CDH4: variants seen among roughly 807,000 people sequenced by gnomAD.
CDH4 encodes the protein cadherin-4.
Under a neutral mutation model 86.0 loss-of-function variants are expected in CDH4, and 33 were observed. That is an observed-to-expected ratio of 0.38 (90% CI 0.29 to 0.51). The LOEUF is 0.51. Ranked by LOEUF, CDH4 falls within the 20% of genes least tolerant of loss-of-function variation. CDH4 has a pLI of 0.86. For missense variants in CDH4, 1,114 were observed against 1,307.4 expected (o/e 0.85, Z 2.28); for synonymous variants, 555 against 549.4 (o/e 1.01, Z -0.14).
chr20:61,477,304 C>T (rs1011370247), intron 2 of CDH4, among the ~76,000 whole-genome samples: 87 of 151,646 alleles, frequency 5.7e-4, no homozygotes, highest in African/African-American at 1.4e-3. Context: ...GATTTCATTA[C>T]GATGGTGGAG....
rs530544816 is a variant in CDH4, at chr20:61,411,213, C to T, written c.169+156276C>T. Among the ~76,000 whole-genome samples, 14 of 151,786 alleles carry T rather than the reference C, an allele frequency of 9.2e-5. 1 individual carries two copies. The South Asian group carries it at 2.9e-3, about 32-fold the overall frequency. On this transcript the variant is annotated intron_variant, in intron 2 of 15. Coordinates refer to ENST00000614565, the MANE Select transcript of CDH4 (RefSeq NM_001794.5). ...ACAAGGCTAATGAGGTGCCTGCTTT[C>T]ACGGGTCTAATGTTCTTACTGTTCA...
rs1204289781 is a variant in CDH4, at chr20:61,684,913, G to C, written c.170-58650G>C. ...CGTTATTAAGATATAAAAACTTACC[G>C]TGAAATTCCCCTGTTTAAAGTGTAC... is the stretch of plus-strand genomic sequence containing the variant. On this transcript the variant is annotated intron_variant, in intron 2 of 15. Transcript: ENST00000614565. The surrounding 1 kb of genome is among the most constrained non-coding windows in gnomAD (Gnocchi z 4.5). Among the ~76,000 whole-genome samples the C allele has an allele frequency of 1.3e-5, 2 of 151,340 alleles. No homozygotes were observed. The highest frequency in any genetic ancestry group is 4.9e-5 in the African/African-American group (2 of 40,848).
chr20:61,578,021 C>G (rs1002963547), intron 2 of CDH4, among the ~76,000 whole-genome samples: 6 of 152,168 alleles, frequency 3.9e-5, no homozygotes, highest in African/African-American at 1.4e-4. Context: ...GACTGCCAAG[C>G]TTGCCTGCCC....
chr20:61,499,962 G>A (rs796416179), intron 2 of CDH4, among the ~76,000 whole-genome samples: 6 of 152,292 alleles, frequency 3.9e-5, no homozygotes, highest in African/African-American at 1.4e-4. Flanking sequence ...CAGGAGGCAC[G>A]GGCGCAGCTT....
At chr20:61,657,930 C>T (rs1301879223) in intron 2 of CDH4, among the ~76,000 whole-genome samples, 2 of 152,170 alleles carry the variant, frequency 1.3e-5, no homozygotes, top group African/African-American at 4.8e-5. Context: ...AGAGGCTCGT[C>T]ACCGGTGGGA....
At chr20:61,915,764 G>C (rs549750972) in intron 9 of CDH4, among the ~76,000 whole-genome samples, 1 of 152,204 alleles carries the variant, frequency 6.6e-6, no homozygotes, top group African/African-American at 2.4e-5. Flanking sequence ...CAAAGGCACA[G>C]CATGAGAGAA....
chr20:61,395,392 CAT>C (rs1440109888), intron 2 of CDH4, among the ~76,000 whole-genome samples: 9 of 152,168 alleles, frequency 5.9e-5, no homozygotes, highest in Admixed American at 4.6e-4. Context: ...TCATATATGA[CAT>C]ATATACATGC....
chr20:61,710,938 G>A (rs1013320333), intron 2 of CDH4, among the ~76,000 whole-genome samples: 1 of 152,180 alleles, frequency 6.6e-6, no homozygotes, highest in East Asian at 1.9e-4. Context: ...TGAGCTCAGT[G>A]GCCTGAACAT....
rs1489228658 is a variant in CDH4, at chr20:61,681,172, C to CA, written c.170-62390dup. Among the ~76,000 whole-genome samples the CA allele has an allele frequency of 6.6e-6, 1 of 152,230 alleles. No homozygotes were observed. Among genetic ancestry groups the CA allele is most frequent in the Non-Finnish European group, 1.5e-5 (1 of 68,038 alleles). On this transcript the variant is annotated intron_variant, in intron 2 of 15. Transcript: ENST00000614565. The surrounding 1 kb of genome is among the most constrained non-coding windows in gnomAD (Gnocchi z 4.5). The stretch of plus-strand genomic sequence containing the variant: ...TCTGCAAGGGTAAAACACCCGCCCT[C>CA]ACGTCCTAATGGCTTTTTTTCTCTT...
At chr20:61,636,245 C>A (rs185211964) in intron 2 of CDH4, among the ~76,000 whole-genome samples, 202 of 152,204 alleles carry the variant, frequency 1.3e-3, no homozygotes, top group Middle Eastern at 3.4e-3. Flanking sequence ...GACCATGAAT[C>A]GCATAAGAAA....
In CDH4 at chr20:61,923,790, A is replaced by T. The variant is rs781279549; in HGVS notation, c.1628+86A>T. The stretch of plus-strand genomic sequence containing the variant: ...TCCAGAAATACCCCATGAAACCCAC[A>T]GCCCAGAATTCCCCCAGATGGGTGG... On this transcript the variant is annotated intron_variant, in intron 10 of 15. Coordinates refer to ENST00000614565, the MANE Select transcript of CDH4 (RefSeq NM_001794.5). The T allele has an allele frequency of 2.7e-6, 4 of 1,505,316 alleles. No individual in the cohort carries two copies. The Admixed American group carries it at 7.5e-5, about 28-fold the overall frequency. 93.2% of individuals were successfully genotyped at this position (1,505,316 alleles called of 1,614,324 possible).
intron 2 of CDH4, among the ~76,000 whole-genome samples, chr20:61,405,483 T>C (rs187969606): frequency 6.6e-6 from 1 of 152,130 alleles, no homozygotes; most frequent in Admixed American, 6.6e-5. Context: ...GTCAGTGTGG[T>C]ACAACGACGC....
At chr20:61,336,695 T>A (rs1044497616) in intron 2 of CDH4, among the ~76,000 whole-genome samples, 1 of 152,160 alleles carries the variant, frequency 6.6e-6, no homozygotes. Flanking sequence ...AGATTGTCAA[T>A]GTAGATTCTC....
At position 61,394,295 on chromosome 20, in the gene CDH4, G is replaced by C. The variant is rs1472216887; in HGVS notation, c.169+139358G>C. The stretch of plus-strand genomic sequence containing the variant: ...TCACTCCAGCATCTCCTGCCATCCA[G>C]GACTCTCCCGCCCCTGCCTGTCCCT... On this transcript the variant is annotated intron_variant, in intron 2 of 15. Coordinates refer to ENST00000614565, the MANE Select transcript of CDH4 (RefSeq NM_001794.5). Among the ~76,000 whole-genome samples the C allele has an allele frequency of 2.6e-5, 4 of 152,044 alleles. No homozygotes were observed. In the South Asian group the frequency reaches 8.3e-4, roughly 32 times the overall value.
chr20:61,297,987 T>C (rs2084365824), intron 2 of CDH4, among the ~76,000 whole-genome samples: 1 of 152,196 alleles, frequency 6.6e-6, no homozygotes, highest in Non-Finnish European at 1.5e-5. Flanking sequence ...TCAGGTCAGC[T>C]CTGGGGGCCC....
At chr20:61,289,180 C>T (rs1254936575) in intron 2 of CDH4, among the ~76,000 whole-genome samples, 1 of 152,220 alleles carries the variant, frequency 6.6e-6, no homozygotes, top group Admixed American at 6.5e-5. Context: ...CCTGCCATTG[C>T]TTGGTGGGCC....
At chr20:61,916,166 G>A (rs953621969) in intron 9 of CDH4, among the ~76,000 whole-genome samples, 10 of 151,892 alleles carry the variant, frequency 6.6e-5, no homozygotes, top group East Asian at 3.9e-4. Context: ...ATTCTCTTTC[G>A]GAGCAGGGGA....
intron 2 of CDH4, among the ~76,000 whole-genome samples, chr20:61,724,749 G>T (rs187022157): frequency 6.6e-6 from 1 of 152,314 alleles, no homozygotes; most frequent in East Asian, 1.9e-4. Context: ...TTTTCCTCCT[G>T]ATTTGTACAC....
rs774300371 is a variant in CDH4, at chr20:61,743,795, G to T, written c.396+6G>T. The T allele has an allele frequency of 2.9e-5, 46 of 1,584,286 alleles. No individual in the cohort carries two copies. The South Asian group carries it at 4.2e-4, about 15-fold the overall frequency. ...CCCCGCACTCTGGACACAAGGTAAG[G>T]TGTGACCGCCCGGGTCTGCGCTGGA... is the stretch of plus-strand genomic sequence containing the variant. On this transcript the variant is annotated splice_donor_region_variant and intron_variant, in intron 3 of 15. Coordinates refer to ENST00000614565, the MANE Select transcript of CDH4 (RefSeq NM_001794.5).
Sources: gnomAD v4.1 joint callset for allele counts (sites outside exome capture counted in the v4.1 genomes callset) on GRCh38, gnomAD v4.1.1 for gene constraint, Gnocchi (gnomAD v3.1) non-coding constraint, MANE v1.5 for transcripts, NCBI Gene and HGNC (gene_info 2026-07-23, HGNC 2026-07-21) for gene names.